RHBDD1: variants seen among roughly 807,000 people sequenced by gnomAD.
RHBDD1 encodes rhomboid domain containing 1.
Under a neutral mutation model 36.3 loss-of-function variants are expected in RHBDD1, and 38 were observed. The observed-to-expected ratio is 1.05, with a 90% CI of 0.81 to 1.37. The LOEUF is 1.37. RHBDD1 is among the 40% of genes most tolerant of loss of function. The probability of loss-of-function intolerance (pLI) is 0.00; values close to 1 mark genes in which losing one functional copy is unlikely to be tolerated. For synonymous variants in RHBDD1, 151 were observed against 136.5 expected (o/e 1.11, Z -0.74); for missense variants, 393 against 377.6 (o/e 1.04, Z -0.34).
intron 8 of RHBDD1, among the ~76,000 whole-genome samples, chr2:226,946,327 T>A (rs776998986): frequency 4.6e-5 from 7 of 152,056 alleles, no homozygotes; most frequent in African/African-American, 9.7e-5. Flanking sequence ...ATTTTTTTTG[T>A]CAAGTTTGTC....
chr2:226,879,392 T>C (rs928719917), intron 5 of RHBDD1, among the ~76,000 whole-genome samples: 2 of 152,210 alleles, frequency 1.3e-5, no homozygotes, highest in Admixed American at 1.3e-4. Flanking sequence ...TAATTTATTG[T>C]CTTTTGTTAG....
chr2:226,931,791 T>C (rs1950045692), intron 8 of RHBDD1, among the ~76,000 whole-genome samples: 1 of 152,126 alleles, frequency 6.6e-6, no homozygotes, highest in Non-Finnish European at 1.5e-5. Flanking sequence ...ATCCTCTTAG[T>C]TCTTTTTTAA....
intron 5 of RHBDD1, among the ~76,000 whole-genome samples, chr2:226,868,404 C>T (rs1944512776): frequency 6.6e-6 from 1 of 152,178 alleles, no homozygotes; most frequent in African/African-American, 2.4e-5. Flanking sequence ...GCACTTTCTT[C>T]CTTTGGTTCT....
intron 2 of RHBDD1, among the ~76,000 whole-genome samples, chr2:226,838,427 C>T (rs538705955): frequency 6.6e-6 from 1 of 152,338 alleles, no homozygotes; most frequent in South Asian, 2.1e-4. Context: ...ACAAGCCCTG[C>T]TCTGAATCTT....
the RHBDD1 span, among the ~76,000 whole-genome samples, chr2:226,806,729 TCTCA>T: frequency 6.6e-6 from 1 of 152,170 alleles, no homozygotes; most frequent in Non-Finnish European, 1.5e-5. Context: ...TCTCTCTTTC[TCTCA>T]ATCTCACACT....
chr2:226,989,678 C>G (rs1193717373), intron 8 of RHBDD1, among the ~76,000 whole-genome samples: 1 of 152,158 alleles, frequency 6.6e-6, no homozygotes, highest in Admixed American at 6.5e-5. Context: ...AAACACTGAC[C>G]TGACATAGTG....
At chr2:226,901,477 C>G (rs1947588630) in intron 5 of RHBDD1, among the ~76,000 whole-genome samples, 1 of 152,182 alleles carries the variant, frequency 6.6e-6, no homozygotes, top group Non-Finnish European at 1.5e-5. Context: ...TCTATAATAG[C>G]TGAACCAATT....
chr2:226,924,824 C>T (rs929671053), intron 8 of RHBDD1, among the ~76,000 whole-genome samples: 1 of 152,198 alleles, frequency 6.6e-6, no homozygotes, highest in Non-Finnish European at 1.5e-5. Flanking sequence ...TCACTGTGCT[C>T]TCCCTCCCCC....
Position 226,906,847 on chromosome 2 carries a change from AG to A in RHBDD1, c.624del (p.Pro209LeufsTer2), listed in dbSNP as rs773095483. On this transcript the variant is annotated frameshift_variant, in exon 6 of 9. Coordinates refer to ENST00000392062, the MANE Select transcript of RHBDD1 (RefSeq NM_001167608.3). LOFTEE classifies it high-confidence loss of function. ...GILVGLMYTQ[G>X]PLKKIMEACA... ...TTCTTGTTGGACTAATGTACACTCA[AG>A]GGCCTCTGAAGAAAATCATGGAAGC... The A allele has an allele frequency of 1.2e-6, 2 of 1,614,152 alleles. No homozygotes were observed. Among genetic ancestry groups the A allele is most frequent in the Non-Finnish European group, 1.7e-6 (2 of 1,180,004 alleles).
chr2:226,889,180 C>T (rs1471011478), intron 5 of RHBDD1, among the ~76,000 whole-genome samples: 5 of 152,184 alleles, frequency 3.3e-5, no homozygotes, highest in African/African-American at 1.2e-4. Context: ...ATTTCCCATG[C>T]TGCTGGACTG....
intron 7 of RHBDD1, among the ~76,000 whole-genome samples, chr2:226,913,673 G>T (rs1203959610): frequency 6.6e-6 from 1 of 150,910 alleles, no homozygotes; most frequent in South Asian, 2.1e-4. Flanking sequence ...ACCTTTTTTT[G>T]GGGGGGAGCT....
At chr2:226,825,836 T>A in the RHBDD1 span, among the ~76,000 whole-genome samples, 377 of 152,328 alleles carry the variant, frequency 2.5e-3, 1 homozygote, top group African/African-American at 8.0e-3. Flanking sequence ...TGACGCTCTG[T>A]CTCCTCATTT....
chr2:226,967,450 T>C (rs953975668), intron 8 of RHBDD1, among the ~76,000 whole-genome samples: 1 of 152,110 alleles, frequency 6.6e-6, no homozygotes, highest in Non-Finnish European at 1.5e-5. Context: ...TTGTTACATA[T>C]GTATACATGT....
At chr2:226,838,860 A>T (rs1369241805) in intron 2 of RHBDD1, among the ~76,000 whole-genome samples, 1 of 152,216 alleles carries the variant, frequency 6.6e-6, no homozygotes, top group Admixed American at 6.5e-5. Context: ...AGCAACTTGT[A>T]GAAATTGTTT....
intron 1 of RHBDD1, 189 bp from the exon 2 acceptor site, chr2:226,837,884 T>A (rs1325687204): frequency 6.6e-6 from 1 of 152,212 alleles, no homozygotes; most frequent in Non-Finnish European, 1.5e-5. Flanking sequence ...CATAGTGACT[T>A]GCAAGCGAAA....
intron 5 of RHBDD1, among the ~76,000 whole-genome samples, chr2:226,897,314 GTC>G (rs533799010): frequency 0.052 from 7,549 of 145,068 alleles, 319 homozygotes; most frequent in Admixed American, 0.13. Context: ...GTGTGTGTCT[GTC>G]TGTCTGTCTG....
chr2:226,802,541 A>T, the RHBDD1 span, among the ~76,000 whole-genome samples: 3 of 152,246 alleles, frequency 2.0e-5, no homozygotes, highest in Admixed American at 6.5e-5. Flanking sequence ...AACTCACTGA[A>T]GTAATGCTGA....
At chr2:226,993,107 T>C (rs1309280209) in intron 8 of RHBDD1, among the ~76,000 whole-genome samples, 2 of 152,226 alleles carry the variant, frequency 1.3e-5, no homozygotes, top group African/African-American at 4.8e-5. Context: ...TGCTGGCTGC[T>C]CCTTTTGAGA....
chr2:226,810,540 C>CAAAAAAAAAAAAAAAAAAAAAAAAAA, the RHBDD1 span, among the ~76,000 whole-genome samples: 1 of 33,878 alleles, frequency 3.0e-5, no homozygotes, highest in African/African-American at 1.4e-4. Context: ...GACTCCGTCT[C>CAAAAAAAAAAAAAAAAAAAAAAAAAA]AAAAAAAAAA....
Sources: gnomAD v4.1 joint callset for allele counts (sites outside exome capture counted in the v4.1 genomes callset) on GRCh38, gnomAD v4.1.1 for gene constraint, MANE v1.5 for transcripts, NCBI Gene and HGNC (gene_info 2026-07-23, HGNC 2026-07-21) for gene names.